The following RAB37 variants were observed in gnomAD, a reference collection of about 807,000 sequenced individuals.
RAB37 encodes the protein RAB37, member RAS oncogene family.
In RAB37, 29 loss-of-function variants were observed where a neutral mutation model predicts 33.1. The ratio of observed to expected loss-of-function variants is 0.88; its 90% CI spans 0.65 to 1.20. The LOEUF is 1.20. Ranked by LOEUF, RAB37 falls within the 50% of genes most tolerant of loss-of-function variation. The probability of loss-of-function intolerance (pLI) is 0.00; values close to 1 mark genes in which losing one functional copy is unlikely to be tolerated. For missense variants in RAB37, 299 were observed against 301.1 expected (o/e 0.99, Z 0.05); for synonymous variants, 128 against 119.5 (o/e 1.07, Z -0.47).
intron 1 of RAB37, among the ~76,000 whole-genome samples, chr17:74,709,133 A>G (rs1182927523): frequency 1.3e-5 from 2 of 151,262 alleles, no homozygotes; most frequent in Non-Finnish European, 2.9e-5. Context: ...CTGAGGCAGG[A>G]GAATCGCTTA....
At chr17:74,727,903 CATGTGTGCATGTTTGCGTGT>C (rs2034325586) in intron 1 of RAB37, among the ~76,000 whole-genome samples, 1 of 150,992 alleles carries the variant, frequency 6.6e-6, no homozygotes, top group South Asian at 2.1e-4. Context: ...TATATCTGTG[CATGTGTGCATGTTTGCGTGT>C]ATGCTGCATG....
upstream of RAB37, among the ~76,000 whole-genome samples, chr17:74,735,096 GGGAA>G (rs986824366): frequency 5.6e-5 from 8 of 142,868 alleles, no homozygotes; most frequent in African/African-American, 8.0e-5. Flanking sequence ...GAAAAGAGAG[GGGAA>G]GGAAGGAAGG....
chr17:74,698,713 A>C (rs2032757039), intron 1 of RAB37: 2 of 1,043,718 alleles, frequency 1.9e-6, no homozygotes, highest in South Asian at 3.8e-5. Flanking sequence ...TTGAGGATGG[A>C]GGGTGGGAGG....
chr17:74,741,414 C>G (rs2034611811), intron 2 of RAB37, among the ~76,000 whole-genome samples: 1 of 151,986 alleles, frequency 6.6e-6, no homozygotes, highest in Admixed American at 6.6e-5. Context: ...GGTGAAACCC[C>G]GTCTCTACTA....
At chr17:74,714,617 G>T (rs1195605299) in intron 1 of RAB37, among the ~76,000 whole-genome samples, 1 of 152,068 alleles carries the variant, frequency 6.6e-6, no homozygotes, top group Non-Finnish European at 1.5e-5. Context: ...TGTACCAGGG[G>T]GTCTACCTGA....
Position 74,729,229 on chromosome 17 carries a change from A to C in RAB37, c.73-27A>C. On this transcript the variant is annotated intron_variant, in intron 1 of 7. Transcript: ENST00000340415. This position sits in a 1 kb window ranked among gnomAD's most constrained non-coding sequence, Gnocchi z 4.2. ...AGGCCAACTCACATCACAGGCCCTC[A>C]GCTCTCTCTCTATTGTTCCCTTCCA... 1 of 1,552,802 alleles carries C rather than the reference A, an allele frequency of 6.4e-7. No individual in the cohort carries two copies. The highest frequency in any genetic ancestry group is 1.1e-5 in the South Asian group (1 of 89,874).
rs2034706236 is a variant in RAB37, at chr17:74,744,616, A to G, written c.432+243A>G. 1 of 623,190 alleles carries G rather than the reference A, an allele frequency of 1.6e-6. No individual in the cohort carries two copies. Among genetic ancestry groups the G allele is most frequent in the Non-Finnish European group, 2.8e-6 (1 of 352,884 alleles). The allele number at this position is 623,190 out of a possible 1,614,324, so 38.6% of individuals were successfully genotyped here. On this transcript the variant is annotated intron_variant, in intron 6 of 8. Coordinates refer to ENST00000392613, the MANE Select transcript of RAB37 (RefSeq NM_001006638.3). This position sits in a 1 kb window ranked among gnomAD's most constrained non-coding sequence, Gnocchi z 4.2. ...TCTCAGCCCCCATTAGAGCAGAGTG[A>G]ACAGGGTCCCAGGTCAGGGGCTAAG...
rs570670308 is a variant in RAB37 at position 74,687,475 on chromosome 17, C to G, written c.72+15817C>G. Reference sequence around the variant, plus strand: ...CTGACCTCAGGTGATCCACCTGCCTCGGCCTCCCAAAGTGCTGGGATTACA... The same window carrying G: ...CTGACCTCAGGTGATCCACCTGCCTGGGCCTCCCAAAGTGCTGGGATTACA... On this transcript the variant is annotated intron_variant, in intron 1 of 7. Transcript: ENST00000340415. Among the ~76,000 whole-genome samples the G allele has an allele frequency of 1.2e-4, 18 of 152,250 alleles. No homozygotes were observed. In the South Asian group the frequency reaches 3.7e-3, roughly 32 times the overall value.
chr17:74,725,107 C>T (rs2034289825), intron 1 of RAB37, among the ~76,000 whole-genome samples: 1 of 152,252 alleles, frequency 6.6e-6, no homozygotes, highest in South Asian at 2.1e-4. Flanking sequence ...ACCTTCTTAC[C>T]AACCTGGAAG....
intron 1 of RAB37, among the ~76,000 whole-genome samples, chr17:74,678,126 T>C (rs2031879713): frequency 6.6e-6 from 1 of 152,108 alleles, no homozygotes; most frequent in African/African-American, 2.4e-5. Context: ...TTCCTCCTCT[T>C]CTCAGGCAAG....
chr17:74,698,809 G>A (rs572112621), intron 1 of RAB37, among the ~76,000 whole-genome samples: 33 of 152,168 alleles, frequency 2.2e-4, no homozygotes, highest in East Asian at 3.9e-4. Context: ...ACAAAACCCC[G>A]GTGACGTGCA....
intron 1 of RAB37, among the ~76,000 whole-genome samples, chr17:74,740,041 A>G (rs1164643245): frequency 6.6e-6 from 1 of 151,940 alleles, no homozygotes; most frequent in African/African-American, 2.4e-5. Context: ...CTATAATCCC[A>G]GCTACTCAGG....
intron 1 of RAB37, among the ~76,000 whole-genome samples, chr17:74,674,835 C>T (rs2031788728): frequency 6.6e-6 from 1 of 152,196 alleles, no homozygotes; most frequent in Admixed American, 6.5e-5. Flanking sequence ...CCACATTCCA[C>T]TTGCCAAACA....
chr17:74,704,844 A>G (rs1026408273), intron 1 of RAB37: 1 of 1,565,324 alleles, frequency 6.4e-7, no homozygotes. Flanking sequence ...ATGTGCTGTC[A>G]CCTCCCACCC....
At chr17:74,684,507 A>G (rs1461222431) in intron 1 of RAB37, among the ~76,000 whole-genome samples, 1 of 152,004 alleles carries the variant, frequency 6.6e-6, no homozygotes, top group Non-Finnish European at 1.5e-5. Context: ...ATAAAAATGG[A>G]CTGCGCACGG....
chr17:74,696,366 G>A (rs1290189759), intron 1 of RAB37: 1 of 765,334 alleles, frequency 1.3e-6, no homozygotes, highest in Non-Finnish European at 2.0e-6. Context: ...TGATTCCTCA[G>A]ATGACACAGT....
rs570296937 is a variant in RAB37, at chr17:74,740,620, C to T, written c.94-148C>T. 258 of 677,904 alleles carry T rather than the reference C, an allele frequency of 3.8e-4. 1 individual carries two copies. Among genetic ancestry groups the T allele is most frequent in the African/African-American group, 3.2e-3 (182 of 56,398 alleles). The allele number at this position is 677,904 out of a possible 1,614,324, so 42.0% of individuals were successfully genotyped here. ...GAGAGGAGAGACAGGGTGAAGATGG[C>T]GGCTGGCTTTCTGGAAGCAGGTGGC... On this transcript the variant is annotated intron_variant, in intron 1 of 8. Coordinates refer to ENST00000392613, the MANE Select transcript of RAB37 (RefSeq NM_001006638.3).
rs199639855 is a variant in RAB37 at position 74,722,340 on chromosome 17, C to CT, written c.73-6915dup. Among the ~76,000 whole-genome samples the CT allele has an allele frequency of 7.1e-3, 1,082 of 151,446 alleles. 4 individuals are homozygous for CT. The highest frequency in any genetic ancestry group is 0.028 in the Middle Eastern group (8 of 288). Reference sequence around the variant, plus strand: ...TTGTCCGAGAAATTGGCTTACATGACTGGGGGCTGGCAAGTCCAAACTCTG... The same window carrying CT: ...TTGTCCGAGAAATTGGCTTACATGACTTGGGGGCTGGCAAGTCCAAACTCTG... On this transcript the variant is annotated intron_variant, in intron 1 of 7. Transcript: ENST00000340415.
At chr17:74,733,468 ATGTGTGTGGTGTGAGG>A (rs2034419400), upstream of RAB37, among the ~76,000 whole-genome samples, 3 of 1,642 alleles carry the variant, frequency 1.8e-3, no homozygotes, top group Non-Finnish European at 2.6e-3. Flanking sequence ...GATTTGAGGG[ATGTGTGTGGTGTGAGG>A]TGTGTGGTGT....
Sources: allele counts gnomAD v4.1 joint callset (sites outside exome capture counted in the v4.1 genomes callset), GRCh38; gene constraint gnomAD v4.1.1; non-coding constraint Gnocchi (gnomAD v3.1); transcripts MANE v1.5; gene names NCBI Gene and HGNC (gene_info 2026-07-23, HGNC 2026-07-21).